Variants in JAG1 observed in about 807,000 individuals in gnomAD.
JAG1 encodes the protein protein jagged-1.
Under a neutral mutation model 148.7 loss-of-function variants are expected in JAG1, and 23 were observed. The observed-to-expected ratio is 0.15, with a 90% CI of 0.11 to 0.22. The LOEUF (loss-of-function observed/expected upper bound fraction) is 0.22. Ranked by LOEUF, JAG1 falls within the 10% of genes least tolerant of loss-of-function variation. The pLI, the probability that JAG1 is intolerant of heterozygous loss-of-function variation, is 1.00. For missense variants in JAG1, 1,054 were observed against 1,611.2 expected (o/e 0.65, Z 5.92); for synonymous variants, 572 against 598.3 (o/e 0.96, Z 0.64).
rs529032883 is a variant in JAG1, at chr20:10,652,484, G to A, written c.870C>T (p.Gly290=). ...WQCLCETNWG[G]QLCDKDLNYC... ...GGGCCATACCTTTGTCACAGAGCTGGCCGCCCCAGTTGGTCTCACAGAGGC... is the reference window on the plus strand; with the variant it reads ...GGGCCATACCTTTGTCACAGAGCTGACCGCCCCAGTTGGTCTCACAGAGGC... Residue 290 remains glycine (G), a synonymous_variant, in exon 6 of 26, where the codon GGC becomes GGT. Coordinates refer to ENST00000254958, the MANE Select transcript of JAG1 (RefSeq NM_000214.3). The A allele has an allele frequency of 6.2e-7, 1 of 1,614,094 alleles. No individual in the cohort carries two copies. The highest frequency in any genetic ancestry group is 1.7e-5 in the Admixed American group (1 of 60,018).
rs2122600550 is a variant in JAG1 at position 10,643,824 on chromosome 20, G to A, written c.2412C>T (p.Tyr804=). ...CAAAACCCGGGGCACATTCGCACCGGTACCAGTTGTCTCCATCCACACAGG... is the reference window on the plus strand; with the variant it reads ...CAAAACCCGGGGCACATTCGCACCGATACCAGTTGTCTCCATCCACACAGG... ...SGTCVDGDNW[Y]RCECAPGFAG... Residue 804 remains tyrosine, a synonymous_variant, in exon 20 of 26, where the codon TAC becomes TAT. Coordinates refer to ENST00000254958, the MANE Select transcript of JAG1 (RefSeq NM_000214.3). 4 of 1,614,070 alleles carry A rather than the reference G, an allele frequency of 2.5e-6. No homozygotes were observed. The highest frequency in any genetic ancestry group is 3.4e-6 in the Non-Finnish European group (4 of 1,179,998).
Position 10,639,133 on chromosome 20 carries a change from G to A in JAG1, c.*365C>T, listed in dbSNP as rs1324169701. 1 of 290,680 alleles carries A rather than the reference G, an allele frequency of 3.4e-6. No individual in the cohort carries two copies. The highest frequency in any genetic ancestry group is 6.7e-6 in the Non-Finnish European group (1 of 148,686). 18.0% of individuals were successfully genotyped at this position (290,680 alleles called of 1,614,324 possible). On this transcript the variant is annotated 3_prime_UTR_variant, in exon 26 of 26. Coordinates refer to ENST00000254958, the MANE Select transcript of JAG1 (RefSeq NM_000214.3). ...ACCAATATACAAAAACAACTCAAGA[G>A]TCAATAAATATAAATAAAACTATGA...
intron 5 of JAG1, among the ~76,000 whole-genome samples, chr20:10,654,139 T>G (rs2067363571): frequency 6.6e-6 from 1 of 152,194 alleles, no homozygotes; most frequent in Admixed American, 6.5e-5. Context: ...GGCAATATTC[T>G]CACCGTCTTC....
At chr20:10,652,358 A>T (rs1214245374) in intron 6 of JAG1, 108 bp from the exon 7 acceptor site, 1 of 1,596,370 alleles carries the variant, frequency 6.3e-7, no homozygotes, top group Non-Finnish European at 8.6e-7. Flanking sequence ...AAACCCACAC[A>T]GCATTCAAGG....
chr20:10,668,904 C>A (rs191874973), intron 2 of JAG1, among the ~76,000 whole-genome samples: 1 of 152,062 alleles, frequency 6.6e-6, no homozygotes, highest in Non-Finnish European at 1.5e-5. Context: ...CATCTTAAGT[C>A]CCTGTAGAAT....
chr20:10,666,150 A>G (rs1341496163), intron 2 of JAG1, among the ~76,000 whole-genome samples: 1 of 151,992 alleles, frequency 6.6e-6, no homozygotes, highest in African/African-American at 2.4e-5. Flanking sequence ...GGGCAGGAGG[A>G]TTCCTCCTGC....
At chr20:10,667,176 T>C (rs1336126384) in intron 2 of JAG1, among the ~76,000 whole-genome samples, 3 of 152,102 alleles carry the variant, frequency 2.0e-5, no homozygotes, top group African/African-American at 7.2e-5. Context: ...TAAACCGCCA[T>C]CCAAACGGCA....
At chr20:10,660,470 C>G (rs762053232) in intron 3 of JAG1, among the ~76,000 whole-genome samples, 1 of 152,210 alleles carries the variant, frequency 6.6e-6, no homozygotes, top group Non-Finnish European at 1.5e-5. Context: ...TAAAAGGGAT[C>G]GGTTAAACAC....
At position 10,666,658 on chromosome 20, in the gene JAG1, G is replaced by C. The variant is rs531953750; in HGVS notation, c.388-2644C>G. Among the ~76,000 whole-genome samples, 15 of 152,296 alleles carry C rather than the reference G, an allele frequency of 9.8e-5. No individual in the cohort carries two copies. In the South Asian group the frequency reaches 2.7e-3, roughly 27 times the overall value. On this transcript the variant is annotated intron_variant, in intron 2 of 25. Transcript: ENST00000254958. ...GAACAGTACTGTGAAGGCCACACAG[G>C]AAGGAGGGGTAGCAAACAGATCTTT...
intron 21 of JAG1, among the ~76,000 whole-genome samples, 193 bp from the exon 22 acceptor site, chr20:10,642,085 G>GT (rs1415233083): frequency 6.6e-6 from 1 of 152,166 alleles, no homozygotes; most frequent in African/African-American, 2.4e-5. Context: ...TCTGGCCAAT[G>GT]TAACATTGGC....
At chr20:10,663,326 A>G (rs1016424389) in intron 3 of JAG1, among the ~76,000 whole-genome samples, 1 of 152,354 alleles carries the variant, frequency 6.6e-6, no homozygotes, top group South Asian at 2.1e-4. Flanking sequence ...TGTAAGCCAG[A>G]CTATGTCATT....
At chr20:10,658,147 C>T (rs1460012131) in intron 4 of JAG1, among the ~76,000 whole-genome samples, 1 of 152,154 alleles carries the variant, frequency 6.6e-6, no homozygotes, top group Admixed American at 6.5e-5. Flanking sequence ...GCTTTGTAGC[C>T]CTATGTCTGT....
chr20:10,658,450 G>GCACA lies in JAG1; in HGVS notation c.694+14_694+17dup. 4 of 1,593,978 alleles carry GCACA rather than the reference G, an allele frequency of 2.5e-6. No homozygotes were observed. Among genetic ancestry groups the GCACA allele is most frequent in the Non-Finnish European group, 2.6e-6 (3 of 1,165,528 alleles). On this transcript the variant is annotated intron_variant, in intron 4 of 25. Coordinates refer to ENST00000254958, the MANE Select transcript of JAG1 (RefSeq NM_000214.3). ...AAAAGCAACAGGCACACGTGCACAT[G>GCACA]CACACACACACACATACCTCTGTTA...
chr20:10,658,928 T>C (rs573962374), intron 3 of JAG1, among the ~76,000 whole-genome samples: 1 of 152,370 alleles, frequency 6.6e-6, no homozygotes, highest in African/African-American at 2.4e-5. Context: ...CAGTATTTCA[T>C]TGTCTGGAAA....
chr20:10,640,414 T>G (rs973264965), intron 25 of JAG1, among the ~76,000 whole-genome samples: 8 of 152,206 alleles, frequency 5.3e-5, no homozygotes, highest in African/African-American at 1.9e-4. Flanking sequence ...TGCGGGGCCA[T>G]CGAGCCTCAC....
chr20:10,646,277 A>G (rs1410348172), intron 14 of JAG1, 193 bp from the exon 15 acceptor site: 1 of 610,992 alleles, frequency 1.6e-6, no homozygotes, highest in African/African-American at 1.8e-5. Flanking sequence ...TGCCTTACCC[A>G]CTTAATGCCC....
chr20:10,641,914 G>A, intron 21 of JAG1, 22 bp from the exon 22 acceptor site: 1 of 1,503,994 alleles, frequency 6.6e-7, no homozygotes, highest in South Asian at 1.1e-5. Context: ...AGACGGGTGA[G>A]CAGTTTATTT....
chr20:10,646,269 C>T (rs1699125647), intron 14 of JAG1, 185 bp from the exon 15 acceptor site: 2 of 627,618 alleles, frequency 3.2e-6, no homozygotes, highest in Admixed American at 2.2e-5. Flanking sequence ...CCAGAGAGTG[C>T]CTTACCCACT....
chr20:10,656,145 AC>A (rs2067377449), intron 5 of JAG1, among the ~76,000 whole-genome samples: 1 of 152,262 alleles, frequency 6.6e-6, no homozygotes, highest in Non-Finnish European at 1.5e-5. Context: ...TTATCAATTT[AC>A]AGAACAGTTA....
Sources: gnomAD v4.1 joint callset for allele counts (sites outside exome capture counted in the v4.1 genomes callset) on GRCh38, gnomAD v4.1.1 for gene constraint, MANE v1.5 for transcripts, NCBI Gene and HGNC (gene_info 2026-07-23, HGNC 2026-07-21) for gene names.